Variants in AFG2A observed in about 807,000 individuals in gnomAD.
The protein encoded by AFG2A is AAA ATPase AFG2A.
the AFG2A span, chr4:122,923,204 C>A: frequency 6.2e-7 from 1 of 1,614,178 alleles, no homozygotes; most frequent in Non-Finnish European, 8.5e-7. Flanking sequence ...TCGTCCTTGC[C>A]CTCTGCTGCT....
chr4:123,144,234 A>G, the AFG2A span, among the ~76,000 whole-genome samples: 2 of 152,020 alleles, frequency 1.3e-5, no homozygotes, highest in Admixed American at 1.3e-4. Context: ...TTTTGAAAAG[A>G]GCGTGTTCTC....
chr4:123,185,413 TTTTA>T, the AFG2A span, among the ~76,000 whole-genome samples: 2 of 152,242 alleles, frequency 1.3e-5, no homozygotes, highest in African/African-American at 4.8e-5. Context: ...TTACATATCA[TTTTA>T]TTTGTCATGC....
At chr4:123,016,544 C>T in the AFG2A span, among the ~76,000 whole-genome samples, 1 of 150,906 alleles carries the variant, frequency 6.6e-6, no homozygotes, top group South Asian at 2.1e-4. Context: ...CAGAGACGCT[C>T]CTCACTTCCT....
the AFG2A span, chr4:122,934,238 G>A: frequency 1.2e-6 from 2 of 1,614,194 alleles, no homozygotes; most frequent in Non-Finnish European, 1.7e-6. Context: ...GATGCCCAAA[G>A]AATGGCCTTT....
chr4:122,943,470 T>A, the AFG2A span, among the ~76,000 whole-genome samples: 1 of 152,226 alleles, frequency 6.6e-6, no homozygotes, highest in African/African-American at 2.4e-5. Flanking sequence ...CTGCCTTTTT[T>A]TGTTTTCCAT....
chr4:123,181,007 C>T, the AFG2A span, among the ~76,000 whole-genome samples: 2 of 131,308 alleles, frequency 1.5e-5, no homozygotes, highest in Non-Finnish European at 3.2e-5. Flanking sequence ...TTATTTGAGA[C>T]GGAGTCTCAC....
chr4:123,195,072 T>C, the AFG2A span, among the ~76,000 whole-genome samples: 1 of 152,300 alleles, frequency 6.6e-6, no homozygotes, highest in South Asian at 2.1e-4. Context: ...ATTAAACAAG[T>C]TGATAAAATA....
chr4:123,017,414 A>ATTTTTTTTTTTTTTTTTTTTTTTTTT, the AFG2A span, among the ~76,000 whole-genome samples: 3 of 74,718 alleles, frequency 4.0e-5, no homozygotes, highest in East Asian at 4.2e-4. Flanking sequence ...AGCATGGGAA[A>ATTTTTTTTTTTTTTTTTTTTTTTTTT]TTTTTTTTTT....
the AFG2A span, among the ~76,000 whole-genome samples, chr4:123,203,601 G>A: frequency 6.6e-6 from 1 of 152,300 alleles, no homozygotes; most frequent in East Asian, 1.9e-4. Context: ...TTATTCCTGA[G>A]TAGTTACACT....
chr4:123,228,287 G>A, the AFG2A span, among the ~76,000 whole-genome samples: 15 of 152,014 alleles, frequency 9.9e-5, no homozygotes, highest in East Asian at 3.9e-4. Flanking sequence ...TATTTTGCTC[G>A]TTAGTTGATG....
chr4:122,952,023 G>A, the AFG2A span, among the ~76,000 whole-genome samples: 234 of 152,278 alleles, frequency 1.5e-3, 4 homozygotes, highest in South Asian at 0.013. Context: ...CTGTGTCTGG[G>A]CATTCCCAGA....
chr4:123,197,146 C>T, the AFG2A span, among the ~76,000 whole-genome samples: 1 of 152,070 alleles, frequency 6.6e-6, no homozygotes, highest in African/African-American at 2.4e-5. Context: ...CGGTAAGGAG[C>T]CAAATTCATT....
chr4:123,173,466 C>T, the AFG2A span, among the ~76,000 whole-genome samples: 1 of 146,010 alleles, frequency 6.8e-6, no homozygotes, highest in Non-Finnish European at 1.5e-5. Flanking sequence ...AATGATTCTT[C>T]TGCCTCAGCC....
At chr4:123,187,410 A>G in the AFG2A span, among the ~76,000 whole-genome samples, 1 of 152,200 alleles carries the variant, frequency 6.6e-6, no homozygotes, top group African/African-American at 2.4e-5. Context: ...TACCCAACGT[A>G]TTAGTTGTTA....
At chr4:123,197,260 C>T in the AFG2A span, among the ~76,000 whole-genome samples, 3 of 152,136 alleles carry the variant, frequency 2.0e-5, no homozygotes, top group Non-Finnish European at 4.4e-5. Flanking sequence ...TGAATAACTA[C>T]CAATGTTTAT....
At chr4:123,013,095 T>TA in the AFG2A span, among the ~76,000 whole-genome samples, 1 of 151,400 alleles carries the variant, frequency 6.6e-6, no homozygotes, top group Admixed American at 6.6e-5. Context: ...AGGATTTGGG[T>TA]AGGTAAAGGA....
the AFG2A span, among the ~76,000 whole-genome samples, chr4:123,175,921 A>T: frequency 6.6e-6 from 1 of 152,214 alleles, no homozygotes; most frequent in Non-Finnish European, 1.5e-5. Context: ...GGTAATGCAC[A>T]CCTTGCAGAA....
the AFG2A span, among the ~76,000 whole-genome samples, chr4:123,150,258 T>C: frequency 0.46 from 69,259 of 152,018 alleles, 19,284 homozygotes; most frequent in Non-Finnish European, 0.61. Flanking sequence ...CAACATAGTA[T>C]TGGAAGTTCT....
chr4:123,096,225 C>T, the AFG2A span, among the ~76,000 whole-genome samples: 1 of 147,020 alleles, frequency 6.8e-6, no homozygotes, highest in African/African-American at 2.7e-5. Context: ...GTTGAGTCCT[C>T]TAGTGTTCAT....
Sources: allele counts gnomAD v4.1 joint callset (sites outside exome capture counted in the v4.1 genomes callset), GRCh38; gene constraint gnomAD v4.1.1; transcripts MANE v1.5; gene names NCBI Gene and HGNC (gene_info 2026-07-23, HGNC 2026-07-21).